SEMA3A: variants seen among roughly 807,000 people sequenced by gnomAD.
SEMA3A encodes semaphorin 3A.
A neutral mutation model predicts 97.9 loss-of-function variants in SEMA3A; 29 were observed. That is an observed-to-expected ratio of 0.30 (90% CI 0.22 to 0.40). SEMA3A has a LOEUF of 0.40. Ranked by LOEUF, SEMA3A falls within the 10% of genes least tolerant of loss-of-function variation. SEMA3A has a pLI of 1.00. For missense variants in SEMA3A, 763 were observed against 951.3 expected, an observed-to-expected ratio of 0.80 and a Z score of 2.60; for synonymous variants, 321 against 323.7, an observed-to-expected ratio of 0.99 and a Z score of 0.09.
intron 11 of SEMA3A, among the ~76,000 whole-genome samples, chr7:84,003,251 A>T (rs1790533067): frequency 6.6e-6 from 1 of 152,096 alleles, no homozygotes; most frequent in African/African-American, 2.4e-5. Context: ...TATTTACAGG[A>T]CCTTAGACTA....
At chr7:84,133,077 C>G (rs1474315689) in intron 2 of SEMA3A, among the ~76,000 whole-genome samples, 1 of 152,104 alleles carries the variant, frequency 6.6e-6, no homozygotes, top group East Asian at 1.9e-4. Flanking sequence ...AAATACTTAT[C>G]ATTTCAGAAA....
chr7:84,120,994 G>T (rs1795594279), intron 3 of SEMA3A, among the ~76,000 whole-genome samples: 1 of 152,094 alleles, frequency 6.6e-6, no homozygotes, highest in African/African-American at 2.4e-5. Context: ...AGGAACTCTG[G>T]ATGAAAAAAC....
chr7:83,996,627 A>G (rs1584524030), intron 12 of SEMA3A, among the ~76,000 whole-genome samples: 1 of 152,302 alleles, frequency 6.6e-6, no homozygotes, highest in Non-Finnish European at 1.5e-5. Flanking sequence ...ATTTTAAAAC[A>G]AAACACTTTT....
At chr7:84,308,022 CA>C (rs1248642951) in intron 2 of SEMA3A, among the ~76,000 whole-genome samples, 8 of 151,108 alleles carry the variant, frequency 5.3e-5, no homozygotes, top group African/African-American at 1.9e-4. Flanking sequence ...TTGGTGAAAA[CA>C]AAAAAAGTAT....
intron 3 of SEMA3A, among the ~76,000 whole-genome samples, chr7:84,221,850 A>AATAT (rs1798891094): frequency 6.6e-6 from 1 of 152,076 alleles, no homozygotes; most frequent in African/African-American, 2.4e-5. Context: ...AATTACCAAA[A>AATAT]TGTGATACAG....
At chr7:84,118,611 T>C (rs781766645) in intron 3 of SEMA3A, among the ~76,000 whole-genome samples, 2 of 152,196 alleles carry the variant, frequency 1.3e-5, no homozygotes, top group African/African-American at 4.8e-5. Flanking sequence ...GATACTTGTA[T>C]AGCTCCATGA....
At chr7:83,974,806 A>C (rs974535375) in intron 15 of SEMA3A, among the ~76,000 whole-genome samples, 3 of 152,092 alleles carry the variant, frequency 2.0e-5, no homozygotes, top group African/African-American at 7.2e-5. Context: ...GAAAAGAGGC[A>C]TTCAAAAAGG....
At position 83,994,305 on chromosome 7, in the gene SEMA3A, T is replaced by C. The variant is rs1475205590; in HGVS notation, c.1452+7650A>G. On this transcript the variant is annotated intron_variant, in intron 12 of 16. Coordinates refer to ENST00000265362, the MANE Select transcript of SEMA3A (RefSeq NM_006080.3). ...AGTAATTTGATCGTCTGAAGCCTTC[T>C]TCTCTCAGCTCATCAAAGTCATTCT... Among the ~76,000 whole-genome samples, 4 of 113,628 alleles carry C rather than the reference T, an allele frequency of 3.5e-5. 1 individual carries two copies. The highest frequency in any genetic ancestry group is 7.3e-5 in the Non-Finnish European group (4 of 55,120). The allele number at this position is 113,628 out of a possible 152,430, so 74.5% of individuals were successfully genotyped here.
At position 84,190,962 on chromosome 7, in the gene SEMA3A, T is replaced by TAC. The variant is rs3077844; in HGVS notation, c.112+3511_112+3512dup. Among the ~76,000 whole-genome samples, 676 of 147,246 alleles carry TAC rather than the reference T, an allele frequency of 4.6e-3. 4 individuals are homozygous for TAC. The highest frequency in any genetic ancestry group is 7.0e-3 in the Non-Finnish European group (463 of 66,434). On this transcript the variant is annotated intron_variant, in intron 1 of 16. Coordinates refer to ENST00000265362, the MANE Select transcript of SEMA3A (RefSeq NM_006080.3). ...GTGTACACATAAATGTATTGGTATATACACACACACACACACACACACAAA... is the reference window on the plus strand; with the variant it reads ...GTGTACACATAAATGTATTGGTATATACACACACACACACACACACACACAAA...
intron 2 of SEMA3A, among the ~76,000 whole-genome samples, chr7:84,132,513 C>A (rs1795989396): frequency 1.3e-5 from 2 of 151,836 alleles, no homozygotes; most frequent in South Asian, 4.1e-4. Flanking sequence ...AATATATAAT[C>A]TTAGGTATTC....
intron 2 of SEMA3A, among the ~76,000 whole-genome samples, chr7:84,348,574 G>T (rs897661243): frequency 2.0e-5 from 3 of 152,176 alleles, no homozygotes; most frequent in African/African-American, 7.2e-5. Flanking sequence ...CATGTTTCCA[G>T]TTACATGAAT....
chr7:84,111,888 C>T (rs192559189), intron 3 of SEMA3A, among the ~76,000 whole-genome samples: 2 of 152,178 alleles, frequency 1.3e-5, no homozygotes, highest in Non-Finnish European at 2.9e-5. Context: ...ATCCATGTTT[C>T]ACTTAAATAG....
intron 2 of SEMA3A, among the ~76,000 whole-genome samples, chr7:84,314,278 T>C (rs1801441024): frequency 6.6e-6 from 1 of 152,094 alleles, no homozygotes; most frequent in Admixed American, 6.6e-5. Context: ...GCAGAGATTG[T>C]CATAATCAAT....
At chr7:84,180,236 G>C (rs979154115) in intron 1 of SEMA3A, among the ~76,000 whole-genome samples, 1 of 150,306 alleles carries the variant, frequency 6.7e-6, no homozygotes, top group African/African-American at 2.4e-5. Flanking sequence ...ATGAGCCACC[G>C]TGCCCGGCCT....
At chr7:84,165,824 A>G (rs1797188751) in intron 1 of SEMA3A, among the ~76,000 whole-genome samples, 2 of 152,178 alleles carry the variant, frequency 1.3e-5, no homozygotes, top group African/African-American at 2.4e-5. Context: ...AAGTGCTGGA[A>G]TTACAGGAGT....
intron 3 of SEMA3A, among the ~76,000 whole-genome samples, chr7:84,297,279 GTT>G (rs1363272070): frequency 6.6e-6 from 1 of 152,000 alleles, no homozygotes; most frequent in Non-Finnish European, 1.5e-5. Flanking sequence ...GCCCAGCCGA[GTT>G]TTTAATCACA....
chr7:84,153,255 T>C (rs1194997253), intron 1 of SEMA3A, among the ~76,000 whole-genome samples: 1 of 152,136 alleles, frequency 6.6e-6, no homozygotes. Flanking sequence ...GTACCAATTA[T>C]CAACAGACTT....
At chr7:84,368,872 G>GT (rs1369545685) in intron 2 of SEMA3A, among the ~76,000 whole-genome samples, 1 of 150,704 alleles carries the variant, frequency 6.6e-6, no homozygotes, top group African/African-American at 2.4e-5. Context: ...AATAACAAGT[G>GT]TAAGATAAAG....
At chr7:84,292,421 T>C (rs574467453) in intron 3 of SEMA3A, among the ~76,000 whole-genome samples, 1 of 150,860 alleles carries the variant, frequency 6.6e-6, no homozygotes, top group Non-Finnish European at 1.5e-5. Flanking sequence ...TTGAGTGATA[T>C]TGAATACTTG....
Sources: allele counts gnomAD v4.1 joint callset (sites outside exome capture counted in the v4.1 genomes callset), GRCh38; gene constraint gnomAD v4.1.1; transcripts MANE v1.5; gene names NCBI Gene and HGNC (gene_info 2026-07-23, HGNC 2026-07-21).